WDR62: variants seen among roughly 807,000 people sequenced by gnomAD.
The protein encoded by WDR62 is WD repeat domain 62.
A neutral mutation model predicts 160.6 loss-of-function variants in WDR62; 112 were observed. The observed-to-expected ratio is 0.70, with a 90% CI of 0.60 to 0.82. The LOEUF (loss-of-function observed/expected upper bound fraction) is 0.82, where lower values mean the gene tolerates loss of function less well. WDR62 is among the 40% of genes least tolerant of loss of function. The probability of loss-of-function intolerance (pLI) is 0.00; values close to 1 mark genes in which losing one functional copy is unlikely to be tolerated. For synonymous variants in WDR62, 792 were observed against 815.1 expected (o/e 0.97, Z 0.48); for missense variants, 1,819 against 1,983.8 (o/e 0.92, Z 1.58).
In WDR62 at chr19:36,103,516, C is replaced by T. The variant is rs567876952; in HGVS notation, c.3688C>T (p.Arg1230Cys). Residue 1230 changes from arginine (R) to cysteine (C), a missense_variant, in exon 30 of 32, where the codon CGC (arginine) becomes TGC (cysteine). Arg to Cys is a radical substitution (Grantham distance 180). This residue lies in a region of WDR62 where 770 missense variants were observed against 734.2 expected (regional missense o/e 1.05). Transcript: ENST00000401500. The stretch of plus-strand genomic sequence containing the variant: ...TGCCAGCTCCCGTGCCAGGATATCA[C>T]GCAGCATCTCCCTCGGTGACAGTGA... ...ATASSRARIS[R>C]SISLGDSEGP... 5.3e-5 allele frequency: 86 copies of T among 1,614,170 alleles called. 2 individuals carry two copies. The South Asian group carries it at 8.1e-4, about 15-fold the overall frequency.
In WDR62 at chr19:36,099,387, A is replaced by G. The variant is rs765215727; in HGVS notation, c.2521-12A>G. On this transcript the variant is annotated splice_polypyrimidine_tract_variant and intron_variant, in intron 21 of 31. Transcript: ENST00000401500. ...ACTCAGCCAGTTGCCTGACTGTCCG[A>G]TATCCTTCAAGCTAGGGGACGATGA... The G allele has an allele frequency of 5.0e-5, 81 of 1,612,060 alleles. 1 individual carries two copies. The Admixed American group carries it at 1.2e-3, about 24-fold the overall frequency.
rs367835996 is a variant in WDR62, at chr19:36,059,959, T to C, written c.270-9T>C. On this transcript the variant is annotated splice_polypyrimidine_tract_variant and intron_variant, in intron 2 of 31. Coordinates refer to ENST00000401500, the MANE Select transcript of WDR62 (RefSeq NM_001083961.2). ...CACAGTTGAGGCACATTTTCCTCTTTCTTCCCAGCTGTGTGGTGGTGATTT... is the reference window on the plus strand; with the variant it reads ...CACAGTTGAGGCACATTTTCCTCTTCCTTCCCAGCTGTGTGGTGGTGATTT... 2 of 1,614,204 alleles carry C rather than the reference T, an allele frequency of 1.2e-6. No individual in the cohort carries two copies. Among genetic ancestry groups the C allele is most frequent in the Non-Finnish European group, 1.7e-6 (2 of 1,180,046 alleles).
rs4806260 is a variant in WDR62 at position 36,071,390 on chromosome 19, G to A, written c.883-166G>A. 0.99 allele frequency among the ~76,000 whole-genome samples: 150,785 copies of A among 152,278 alleles called. 74,663 individuals carry two copies. The highest frequency in any genetic ancestry group is 1 in the Middle Eastern group (294 of 294). On this transcript the variant is annotated intron_variant, in intron 7 of 31. Transcript: ENST00000401500. ...ACATGTCTTTCAATAGCAGCAGTAT[G>A]CTATATCCTGATTTCACAAATCTTA... is the stretch of plus-strand genomic sequence containing the variant.
At chr19:36,070,855 T>A (rs1233388679) in intron 7 of WDR62, 1 of 152,700 alleles carries the variant, frequency 6.5e-6, no homozygotes, top group Non-Finnish European at 1.5e-5. Flanking sequence ...GTAACTTTTT[T>A]CTGTACCGCT....
chr19:36,089,313 G>A lies in WDR62; in HGVS notation c.1958+7G>A. The stretch of plus-strand genomic sequence containing the variant: ...GCCAGGACCGCAATGTGAGGTAAGG[G>A]GTGGCCCTGGACCCTTAGCTGGCCT... On this transcript the variant is annotated splice_region_variant and intron_variant, in intron 15 of 31. Coordinates refer to ENST00000401500, the MANE Select transcript of WDR62 (RefSeq NM_001083961.2). 6.2e-7 allele frequency: 1 copy of A among 1,614,194 alleles called. No homozygotes were observed. The highest frequency in any genetic ancestry group is 8.5e-7 in the Non-Finnish European group (1 of 1,180,040).
chr19:36,071,491 C>T, intron 7 of WDR62, 65 bp from the exon 8 acceptor site: 2 of 1,600,480 alleles, frequency 1.2e-6, no homozygotes, highest in Non-Finnish European at 1.7e-6. Context: ...CTCTGTCAGT[C>T]CCCATATCCC....
At position 36,054,920 on chromosome 19, in the gene WDR62, T is replaced by G. The variant is rs1238980019; in HGVS notation, c.-52T>G. Reference sequence around the variant, plus strand: ...TCGCTGTTCCAGTGGGTCGTGGCGGTGGCGGCAGCGGCGGTTAGGGGATGT... The same window carrying G: ...TCGCTGTTCCAGTGGGTCGTGGCGGGGGCGGCAGCGGCGGTTAGGGGATGT... On this transcript the variant is annotated 5_prime_UTR_variant, in exon 1 of 32. Transcript: ENST00000401500. The G allele has an allele frequency of 6.5e-7, 1 of 1,546,014 alleles. No homozygotes were observed. Among genetic ancestry groups the G allele is most frequent in the African/African-American group, 1.4e-5 (1 of 73,372 alleles).
rs774754662 is a variant in WDR62, at chr19:36,104,515, C to T, written c.4154-3C>T. 2.5e-6 allele frequency: 4 copies of T among 1,613,520 alleles called. No individual in the cohort carries two copies. The East Asian group carries it at 8.9e-5, about 36-fold the overall frequency. ...CTTGCTCATTCCCTTCTCTCTACCCCAGGTGCACTTGGTCTGTTACAGGGC... is the reference window on the plus strand; with the variant it reads ...CTTGCTCATTCCCTTCTCTCTACCCTAGGTGCACTTGGTCTGTTACAGGGC... On this transcript the variant is annotated splice_region_variant and splice_polypyrimidine_tract_variant and intron_variant, in intron 30 of 31. Transcript: ENST00000401500.
At chr19:36,090,165 GAGGGCAAAGC>G in intron 15 of WDR62, among the ~76,000 whole-genome samples, 1 of 152,340 alleles carries the variant, frequency 6.6e-6, no homozygotes, top group African/African-American at 2.4e-5. Flanking sequence ...TGAGTGTGCA[GAGGGCAAAGC>G]AGTGCAAAGA....
chr19:36,070,489 G>A (rs972269781), intron 7 of WDR62: 2 of 152,154 alleles, frequency 1.3e-5, no homozygotes, highest in African/African-American at 4.8e-5. Context: ...CTTTCCTTTA[G>A]TATCTGAAGG....
At chr19:36,088,077 G>C (rs1257841200) in intron 13 of WDR62, among the ~76,000 whole-genome samples, 1 of 152,132 alleles carries the variant, frequency 6.6e-6, no homozygotes. Context: ...ACTCCCTTCT[G>C]TGAGCCAATG....
At chr19:36,072,762 G>A (rs899010550) in intron 8 of WDR62, among the ~76,000 whole-genome samples, 2 of 152,190 alleles carry the variant, frequency 1.3e-5, no homozygotes, top group Non-Finnish European at 2.9e-5. Context: ...GCTGTCTTCT[G>A]TTGTGCTCTG....
rs896840471 is a variant in WDR62 at position 36,089,105 on chromosome 19, G to T, written c.1836G>T (p.Gln612His). ...DKSIYFRSAQ[Q>H]GSDGLHFVRT... is the part of the protein sequence containing the mutation. ...GCATCTACTTTCGCAGTGCCCAGCA[G>T]GTAGGGTGGCATGGCCTCCTTGGGG... The change falls in exon 14 of 32, where the codon CAG (glutamine) becomes CAT (histidine). Residue 612 changes from glutamine to histidine, a missense_variant and splice_region_variant. By Grantham distance (24) the Gln-to-His change is conservative (BLOSUM62 0). Transcript: ENST00000401500. 1 of 1,614,170 alleles carries T rather than the reference G, an allele frequency of 6.2e-7. No homozygotes were observed. Among genetic ancestry groups the T allele is most frequent in the Non-Finnish European group, 8.5e-7 (1 of 1,180,036 alleles).
In WDR62 at chr19:36,067,857, C is replaced by A. The variant is rs1971024781; in HGVS notation, c.729C>A (p.Arg243=). Residue 243 remains arginine, a synonymous_variant, in exon 7 of 32, where the codon CGC becomes CGA. Transcript: ENST00000401500. ...KVTSTVPLVG[R]SGILGELHNN... is the part of the protein sequence containing the mutation. ...CGAGCACAGTGCCCCTTGTAGGGCG[C>A]TCGGGCATCCTGGGCGAGCTGCACA... 1 of 1,614,198 alleles carries A rather than the reference C, an allele frequency of 6.2e-7. No individual in the cohort carries two copies. Among genetic ancestry groups the A allele is most frequent in the African/African-American group, 1.3e-5 (1 of 75,060 alleles).
rs375274868 is a variant in WDR62, at chr19:36,102,763, G to C, written c.3247G>C (p.Val1083Leu). The change falls in exon 27 of 32, where the codon GTG becomes CTG. Residue 1083 changes from valine to leucine, a missense_variant. This residue lies in a region of WDR62 where 770 missense variants were observed against 734.2 expected (regional missense o/e 1.05). Coordinates refer to ENST00000401500, the MANE Select transcript of WDR62 (RefSeq NM_001083961.2). ...GCTCTTCCCCGCAGCTCTGGGAGAC[G>C]TGGAGGCCTCTGAAGCTGAAGACCA... Reference protein sequence around the residue: ...RELFPAALGDVEASEAEDHFF... With the variant: ...RELFPAALGDLEASEAEDHFF... 42 of 1,614,112 alleles carry C rather than the reference G, an allele frequency of 2.6e-5. No homozygotes were observed. The highest frequency in any genetic ancestry group is 3.1e-5 in the Non-Finnish European group (37 of 1,180,046).
Position 36,055,074 on chromosome 19 carries a change from C to A in WDR62, c.103C>A (p.Pro35Thr), listed in dbSNP as rs919314171. Residue 35 changes from proline to threonine, a missense_variant, in exon 1 of 32, where the codon CCC (proline) becomes ACC (threonine). This residue lies in a region of WDR62 where 115 missense variants were observed against 92.4 expected (regional missense o/e 1.24). Transcript: ENST00000401500. ...GGCGCGGAGGGGCCAGTCCTCCCCGCCCCCCGCCCCACCAATCTGCCTACG... is the reference window on the plus strand; with the variant it reads ...GGCGCGGAGGGGCCAGTCCTCCCCGACCCCCGCCCCACCAATCTGCCTACG... ...VPARRGQSSP[P>T]PAPPICLRRR... 4 of 1,596,886 alleles carry A rather than the reference C, an allele frequency of 2.5e-6. No homozygotes were observed. Among genetic ancestry groups the A allele is most frequent in the Non-Finnish European group, 3.4e-6 (4 of 1,172,956 alleles).
At chr19:36,099,859 G>C (rs926057975) in intron 22 of WDR62, among the ~76,000 whole-genome samples, 5 of 152,214 alleles carry the variant, frequency 3.3e-5, no homozygotes, top group African/African-American at 4.8e-5. Flanking sequence ...GTACCCAAGT[G>C]GGGGACATTT....
At chr19:36,080,281 G>C (rs1428148402) in intron 9 of WDR62, among the ~76,000 whole-genome samples, 1 of 145,714 alleles carries the variant, frequency 6.9e-6, no homozygotes, top group Non-Finnish European at 1.5e-5. Context: ...CTAATTTTTT[G>C]TATTTTTTTT....
chr19:36,102,084 C>T lies in WDR62; in HGVS notation c.3153C>T (p.Pro1051=). The T allele has an allele frequency of 1.2e-6, 2 of 1,614,178 alleles. No homozygotes were observed. Among genetic ancestry groups the T allele is most frequent in the Non-Finnish European group, 8.5e-7 (1 of 1,180,034 alleles). The change falls in exon 26 of 32, where the codon CCC becomes CCT. Residue 1051 remains proline, a synonymous_variant. Transcript: ENST00000401500. ...EGPSVPSSSL[P]QTPEQEKFLR... The stretch of plus-strand genomic sequence containing the variant: ...CCAGCGTCCCCAGCAGCTCCCTACC[C>T]CAGACTCCGGAGCAGGAGAAGTTCC...
Sources: gnomAD v4.1 joint callset for allele counts (sites outside exome capture counted in the v4.1 genomes callset) on GRCh38, gnomAD v4.1.1 for gene constraint, gnomAD v4.1.1 regional missense constraint, MANE v1.5 for transcripts, NCBI Gene and HGNC (gene_info 2026-07-23, HGNC 2026-07-21) for gene names.